WDPCP: variants seen among roughly 807,000 people sequenced by gnomAD.
WDPCP encodes the protein WD repeat containing planar cell polarity effector, also known as WD repeat-containing and planar cell polarity effector protein fritz homolog.
Under a neutral mutation model 93.1 loss-of-function variants are expected in WDPCP, and 71 were observed. The ratio of observed to expected loss-of-function variants is 0.76; its 90% confidence interval spans 0.63 to 0.93. WDPCP has a LOEUF of 0.93. WDPCP is among the 40% of genes least tolerant of loss of function. The pLI, the probability that WDPCP is intolerant of heterozygous loss-of-function variation, is 0.00. For synonymous variants in WDPCP, 315 were observed against 315.0 expected (o/e 1.00, Z 0.00); for missense variants, 844 against 887.4 (o/e 0.95, Z 0.62).
chr2:63,686,924 C>A (rs1486348493), intron 2 of WDPCP, among the ~76,000 whole-genome samples: 1 of 150,742 alleles, frequency 6.6e-6, no homozygotes, highest in Non-Finnish European at 1.5e-5. Context: ...TTCAGATAGA[C>A]CCCTATCTCT....
chr2:63,271,885 C>T (rs1312295197), intron 13 of WDPCP, among the ~76,000 whole-genome samples: 1 of 152,152 alleles, frequency 6.6e-6, no homozygotes, highest in Non-Finnish European at 1.5e-5. Context: ...ACTGCTACAA[C>T]CACTGGTGCC....
rs13385769 is a variant in WDPCP, at chr2:63,452,755, T to A, written c.385-12884A>T. Reference sequence around the variant, plus strand: ...GGTACCAAAACAGAGATATAGACCATTGGAACAGAACAGAGCCCTCAGAAA... The same window carrying A: ...GGTACCAAAACAGAGATATAGACCAATGGAACAGAACAGAGCCCTCAGAAA... On this transcript the variant is annotated intron_variant, in intron 6 of 17. Coordinates refer to ENST00000272321, the MANE Select transcript of WDPCP (RefSeq NM_015910.7). 9.1e-4 allele frequency among the ~76,000 whole-genome samples: 138 copies of A among 152,038 alleles called. No homozygotes were observed. In the Middle Eastern group the frequency reaches 0.01, roughly 11 times the overall value.
At chr2:63,495,335 A>G (rs904145778) in intron 1 of WDPCP, among the ~76,000 whole-genome samples, 1 of 152,214 alleles carries the variant, frequency 6.6e-6, no homozygotes, top group Non-Finnish European at 1.5e-5. Flanking sequence ...TAAGCCTACT[A>G]TTACTCAAAA....
intron 12 of WDPCP, among the ~76,000 whole-genome samples, chr2:63,314,266 A>T (rs1425137951): frequency 6.6e-6 from 1 of 151,804 alleles, no homozygotes; most frequent in Non-Finnish European, 1.5e-5. Context: ...TCCTGGGCTC[A>T]GATGATCTTC....
intron 9 of WDPCP, among the ~76,000 whole-genome samples, chr2:63,407,681 T>C (rs1694693521): frequency 6.6e-6 from 1 of 152,254 alleles, no homozygotes; most frequent in Non-Finnish European, 1.5e-5. Flanking sequence ...TCCTTCTAGC[T>C]TCTGGCATCT....
intron 1 of WDPCP, among the ~76,000 whole-genome samples, chr2:63,536,947 T>G (rs999282075): frequency 4.6e-5 from 7 of 151,958 alleles, no homozygotes; most frequent in Non-Finnish European, 8.8e-5. Flanking sequence ...TTTGTATTTT[T>G]AAGAGAGATG....
At chr2:63,548,618 T>C (rs1039739136) in intron 1 of WDPCP, among the ~76,000 whole-genome samples, 1 of 152,092 alleles carries the variant, frequency 6.6e-6, no homozygotes, top group African/African-American at 2.4e-5. Flanking sequence ...ATCTTAAGTC[T>C]TGACAAATGT....
Position 63,391,006 on chromosome 2 carries a change from T to C in WDPCP, c.1436-8912A>G, listed in dbSNP as rs1041304687. Among the ~76,000 whole-genome samples, 21 of 152,088 alleles carry C rather than the reference T, an allele frequency of 1.4e-4. 1 individual carries two copies. The East Asian group carries it at 3.5e-3, about 25-fold the overall frequency. On this transcript the variant is annotated intron_variant, in intron 10 of 17. Transcript: ENST00000272321. ...TTCCTTCTGAAACTATTCCAATCAA[T>C]AGAAAAAGAGGGAATCCTCCCTAAC...
chr2:63,756,105 A>G (rs1416492873), intron 2 of WDPCP, among the ~76,000 whole-genome samples: 1 of 152,244 alleles, frequency 6.6e-6, no homozygotes, highest in Non-Finnish European at 1.5e-5. Context: ...TGTCCCAAAC[A>G]TTCTGTTTTG....
rs770276507 is a variant in WDPCP at position 63,486,528 on chromosome 2, T to G, written c.253+14A>C. 3 of 1,560,466 alleles carry G rather than the reference T, an allele frequency of 1.9e-6. No homozygotes were observed. The highest frequency in any genetic ancestry group is 3.5e-4 in the Middle Eastern group (2 of 5,652). Reference sequence around the variant, plus strand: ...AGTTTTATAATAATTCCAAAAAATATAAAGTAAGCTTACACTCTGCCAGCT... The same window carrying G: ...AGTTTTATAATAATTCCAAAAAATAGAAAGTAAGCTTACACTCTGCCAGCT... On this transcript the variant is annotated intron_variant, in intron 4 of 17. Coordinates refer to ENST00000272321, the MANE Select transcript of WDPCP (RefSeq NM_015910.7).
chr2:63,491,407 T>C (rs565411368), intron 2 of WDPCP, among the ~76,000 whole-genome samples: 1 of 152,336 alleles, frequency 6.6e-6, no homozygotes, highest in Admixed American at 6.5e-5. Flanking sequence ...TGGGCTTCAC[T>C]GATCAGCCAA....
At chr2:63,772,673 A>G (rs1670246992) in intron 2 of WDPCP, among the ~76,000 whole-genome samples, 2 of 152,108 alleles carry the variant, frequency 1.3e-5, no homozygotes, top group African/African-American at 4.8e-5. Flanking sequence ...TTAATAGAAT[A>G]AAAGATATCA....
intron 9 of WDPCP, among the ~76,000 whole-genome samples, chr2:63,424,270 G>A (rs1300052338): frequency 6.6e-6 from 1 of 150,488 alleles, no homozygotes; most frequent in African/African-American, 2.4e-5. Flanking sequence ...GGGTGGGAGA[G>A]GGGGTGTGCG....
chr2:63,502,941 C>T (rs1322250204), intron 1 of WDPCP, among the ~76,000 whole-genome samples: 1 of 152,174 alleles, frequency 6.6e-6, no homozygotes, highest in Non-Finnish European at 1.5e-5. Flanking sequence ...CAAAAGGTGA[C>T]AGATTTCTAT....
intron 3 of WDPCP, among the ~76,000 whole-genome samples, chr2:63,623,783 CAG>C (rs1709776527): frequency 6.6e-6 from 1 of 152,126 alleles, no homozygotes; most frequent in African/African-American, 2.4e-5. Flanking sequence ...ATCAACAAGA[CAG>C]AAAATTAACA....
intron 2 of WDPCP, among the ~76,000 whole-genome samples, chr2:63,657,988 T>TC (rs1238343954): frequency 6.6e-6 from 1 of 152,148 alleles, no homozygotes; most frequent in Non-Finnish European, 1.5e-5. Context: ...TAACTGGTTT[T>TC]CCCCCAAGAC....
At chr2:63,393,144 A>G (rs1289190072) in intron 10 of WDPCP, among the ~76,000 whole-genome samples, 1 of 152,226 alleles carries the variant, frequency 6.6e-6, no homozygotes, top group African/African-American at 2.4e-5. Context: ...CCCAATGTCC[A>G]TCAGTGATAG....
At chr2:63,699,950 G>A (rs1224078890) in intron 2 of WDPCP, among the ~76,000 whole-genome samples, 4 of 152,098 alleles carry the variant, frequency 2.6e-5, no homozygotes, top group Non-Finnish European at 5.9e-5. Context: ...GTGAGGTTAT[G>A]TTTTATGAAG....
chr2:63,662,206 G>A (rs1710234504), intron 2 of WDPCP, among the ~76,000 whole-genome samples: 1 of 152,068 alleles, frequency 6.6e-6, no homozygotes, highest in South Asian at 2.1e-4. Context: ...GTAAATAGCT[G>A]GATTTGAAAC....
Sources: gnomAD v4.1 joint callset for allele counts (sites outside exome capture counted in the v4.1 genomes callset) on GRCh38, gnomAD v4.1.1 for gene constraint, MANE v1.5 for transcripts, NCBI Gene and HGNC (gene_info 2026-07-23, HGNC 2026-07-21) for gene names.